Variants in FYCO1 observed in about 807,000 individuals in gnomAD.
The protein encoded by FYCO1 is FYVE and coiled-coil domain-containing protein 1.
In FYCO1, 122 loss-of-function variants were observed where a neutral mutation model predicts 165.1. The ratio of observed to expected loss-of-function variants is 0.74; its 90% confidence interval spans 0.64 to 0.86. The LOEUF (loss-of-function observed/expected upper bound fraction) is 0.86, where lower values mean the gene tolerates loss of function less well. Ranked by LOEUF, FYCO1 falls within the 40% of genes least tolerant of loss-of-function variation. The pLI, the probability that FYCO1 is intolerant of heterozygous loss-of-function variation, is 0.00. For missense variants in FYCO1, 1,702 were observed against 1,810.3 expected (o/e 0.94, Z 1.09); for synonymous variants, 648 against 742.5 (o/e 0.87, Z 2.07).
In FYCO1 at chr3:45,980,067, T is replaced by G. The variant is rs59767267; in HGVS notation, c.163-237A>C. ...AGAAAGAAATACAAGAAAAGAGTCT[T>G]GGCCATGTGCGGTGGCTCACGCTGG... On this transcript the variant is annotated intron_variant, in intron 3 of 17. Transcript: ENST00000296137. 0.15 allele frequency among the ~76,000 whole-genome samples: 22,987 copies of G among 152,150 alleles called. 2,186 individuals are homozygous for G. The highest frequency in any genetic ancestry group is 0.28 in the East Asian group (1,468 of 5,166).
In FYCO1 at chr3:45,956,997, T is replaced by C. The variant is rs199745634; in HGVS notation, c.3799+1411A>G. ...GTGATGTTAAGATGCTTTATAAAAC[T>C]ATGGTCATCATAACAGTTTGGTATT... is the stretch of plus-strand genomic sequence containing the variant. On this transcript the variant is annotated intron_variant, in intron 13 of 17. Coordinates refer to ENST00000296137, the MANE Select transcript of FYCO1 (RefSeq NM_024513.4). 1.4e-4 allele frequency among the ~76,000 whole-genome samples: 22 copies of C among 152,352 alleles called. 1 individual carries two copies. In the East Asian group the frequency reaches 4.2e-3, roughly 29 times the overall value.
At chr3:45,984,405 T>G (rs1243662594) in intron 2 of FYCO1, among the ~76,000 whole-genome samples, 1 of 152,182 alleles carries the variant, frequency 6.6e-6, no homozygotes, top group Non-Finnish European at 1.5e-5. Flanking sequence ...TCCCAGGCAA[T>G]GGGCCATCCG....
chr3:45,944,845 C>A (rs928816587), intron 14 of FYCO1, among the ~76,000 whole-genome samples: 1 of 152,158 alleles, frequency 6.6e-6, no homozygotes, highest in Admixed American at 6.5e-5. Context: ...AGCAAAGCCA[C>A]CTGTTTCATA....
At chr3:45,992,032 A>C (rs1319195504) in intron 1 of FYCO1, among the ~76,000 whole-genome samples, 1 of 152,214 alleles carries the variant, frequency 6.6e-6, no homozygotes, top group East Asian at 1.9e-4. Context: ...AGCCAAGGAG[A>C]GAGGCCTCAG....
rs143328415 is a variant in FYCO1 at position 45,955,253 on chromosome 3, C to T, written c.3940G>A (p.Glu1314Lys). The T allele has an allele frequency of 6.2e-7, 1 of 1,613,886 alleles. No individual in the cohort carries two copies. Among genetic ancestry groups the T allele is most frequent in the Non-Finnish European group, 8.5e-7 (1 of 1,180,026 alleles). Residue 1314 changes from glutamate to lysine, a missense_variant, in exon 14 of 18, where the codon GAA becomes AAA. Physicochemically the swap from Glu to Lys is moderately conservative, Grantham distance 56. Coordinates refer to ENST00000296137, the MANE Select transcript of FYCO1 (RefSeq NM_024513.4). ...ATGGGGGTGACCTCTACTCACTGTTCAGCCGCATTTGGGTCGAGAGAATCA... is the reference window on the plus strand; with the variant it reads ...ATGGGGGTGACCTCTACTCACTGTTTAGCCGCATTTGGGTCGAGAGAATCA... ...ETDSLDPNAAEQDTTSTSLTP... is the reference protein window; with the variant it reads ...ETDSLDPNAAKQDTTSTSLTP...
intron 16 of FYCO1, among the ~76,000 whole-genome samples, chr3:45,924,829 T>C (rs1559438240): frequency 6.6e-6 from 1 of 152,234 alleles, no homozygotes; most frequent in East Asian, 1.9e-4. Context: ...GCCAGGTTGG[T>C]ATCGAACTCC....
At position 45,940,425 on chromosome 3, in the gene FYCO1, C is replaced by T. The variant is rs1224366370; in HGVS notation, c.3945-3882G>A. 2.6e-5 allele frequency among the ~76,000 whole-genome samples: 4 copies of T among 152,172 alleles called. No homozygotes were observed. The South Asian group carries it at 8.3e-4, about 32-fold the overall frequency. On this transcript the variant is annotated intron_variant, in intron 14 of 17. Transcript: ENST00000296137. ...GGCAGTTTAACCGGTATGTGACCTTCCTCTAGAAACGACTGATAAGGGAAA... is the reference window on the plus strand; with the variant it reads ...GGCAGTTTAACCGGTATGTGACCTTTCTCTAGAAACGACTGATAAGGGAAA...
chr3:45,953,490 C>T (rs909244991), intron 14 of FYCO1, among the ~76,000 whole-genome samples: 1 of 152,230 alleles, frequency 6.6e-6, no homozygotes, highest in African/African-American at 2.4e-5. Flanking sequence ...GACATTTTAA[C>T]ATGGTGGCAC....
At chr3:45,988,966 C>T (rs1372142272) in intron 1 of FYCO1, among the ~76,000 whole-genome samples, 18 of 152,190 alleles carry the variant, frequency 1.2e-4, no homozygotes, top group Admixed American at 1.2e-3. Context: ...AAGATGCTGA[C>T]TGACTCATGC....
intron 13 of FYCO1, among the ~76,000 whole-genome samples, chr3:45,956,154 G>A (rs1484846609): frequency 6.6e-6 from 1 of 152,082 alleles, no homozygotes; most frequent in East Asian, 1.9e-4. Flanking sequence ...TGGCCAACTT[G>A]ATGAAACCCT....
In FYCO1 at chr3:45,984,896, A is replaced by G. The variant is rs200419921; in HGVS notation, c.15T>C (p.Asn5=). Residue 5 remains asparagine (N), a synonymous_variant, in exon 2 of 18, where the codon AAT becomes AAC. Coordinates refer to ENST00000296137, the MANE Select transcript of FYCO1 (RefSeq NM_024513.4). ...TGATTCTCTGGAGCTGGCTCTCTGC[A>G]TTGGTGGAGGCCATGGTGAGTTTGC... MAST[N]AESQLQRIIR... 7.4e-6 allele frequency: 12 copies of G among 1,614,030 alleles called. No homozygotes were observed. Among genetic ancestry groups the G allele is most frequent in the Middle Eastern group, 1.6e-4 (1 of 6,084 alleles).
chr3:45,922,392 C>G (rs1043214490), intron 17 of FYCO1, among the ~76,000 whole-genome samples: 2 of 152,214 alleles, frequency 1.3e-5, no homozygotes, highest in African/African-American at 4.8e-5. Context: ...TCTCCTTGGT[C>G]TCTCCATCAA....
chr3:45,925,801 C>T (rs1435154419), intron 16 of FYCO1, among the ~76,000 whole-genome samples: 5 of 152,072 alleles, frequency 3.3e-5, no homozygotes. Flanking sequence ...GGCTGAATGC[C>T]AGGGGAAACT....
rs1703029989 is a variant in FYCO1 at position 45,919,805 on chromosome 3, G to C, written c.*1960C>G. 6.6e-6 allele frequency: 1 copy of C among 152,220 alleles called. No homozygotes were observed. The highest frequency in any genetic ancestry group is 1.5e-5 in the Non-Finnish European group (1 of 68,038). 9.4% of individuals were successfully genotyped at this position (152,220 alleles called of 1,614,324 possible). On this transcript the variant is annotated 3_prime_UTR_variant, in exon 18 of 18. Transcript: ENST00000296137. ...TCTGATTATCATTTGCAAGTGGCTG[G>C]ATGGATTCAAAGTTAGCATGATTTG... is the stretch of plus-strand genomic sequence containing the variant.
intron 12 of FYCO1, among the ~76,000 whole-genome samples, chr3:45,959,114 A>G (rs530592328): frequency 6.6e-6 from 1 of 152,336 alleles, no homozygotes; most frequent in East Asian, 1.9e-4. Context: ...GGAATGGTAG[A>G]AGAACTGCTA....
intron 10 of FYCO1, among the ~76,000 whole-genome samples, chr3:45,963,829 C>T (rs995078793): frequency 1.3e-5 from 2 of 152,164 alleles, no homozygotes; most frequent in East Asian, 1.9e-4. Context: ...ACAGATATGG[C>T]ATCAGAGTCT....
At chr3:45,948,891 C>T (rs1030108982) in intron 14 of FYCO1, among the ~76,000 whole-genome samples, 1 of 152,192 alleles carries the variant, frequency 6.6e-6, no homozygotes, top group Non-Finnish European at 1.5e-5. Context: ...ATCATAACAG[C>T]ACCACCTCTA....
At position 45,959,388 on chromosome 3, in the gene FYCO1, C is replaced by A. The variant is rs781482861; in HGVS notation, c.3587+5G>T. The A allele has an allele frequency of 2.7e-5, 44 of 1,613,780 alleles. No homozygotes were observed. The highest frequency in any genetic ancestry group is 1.2e-5 in the Non-Finnish European group (14 of 1,180,028). ...TTGGTGCCAACCCACGAGCTCCCTG[C>A]TGACCTGCAGTGGTGCCGCCGCACC... On this transcript the variant is annotated splice_donor_5th_base_variant and intron_variant, in intron 12 of 17. Coordinates refer to ENST00000296137, the MANE Select transcript of FYCO1 (RefSeq NM_024513.4).
At chr3:45,954,207 G>A (rs1705188527) in intron 14 of FYCO1, among the ~76,000 whole-genome samples, 1 of 149,612 alleles carries the variant, frequency 6.7e-6, no homozygotes, top group African/African-American at 2.4e-5. Flanking sequence ...GAAACGTTAT[G>A]ACATTTTTTG....
Sources: gnomAD v4.1 joint callset for allele counts (sites outside exome capture counted in the v4.1 genomes callset) on GRCh38, gnomAD v4.1.1 for gene constraint, MANE v1.5 for transcripts, NCBI Gene and HGNC (gene_info 2026-07-23, HGNC 2026-07-21) for gene names.